Variants in CELF4 observed in about 807,000 individuals in gnomAD.
CELF4 encodes CUGBP Elav-like family member 4.
A neutral mutation model predicts 59.9 loss-of-function variants in CELF4; 18 were observed. The observed-to-expected ratio is 0.30, with a 90% CI of 0.21 to 0.45. CELF4 has a LOEUF of 0.45. Ranked by LOEUF, CELF4 falls within the 20% of genes least tolerant of loss-of-function variation. The pLI is 1.00. For missense variants in CELF4, 456 were observed against 689.0 expected (o/e 0.66, Z 3.79); for synonymous variants, 261 against 267.1 (o/e 0.98, Z 0.22).
Position 37,259,278 on chromosome 18 carries a change from AGGGGGT to A in CELF4, c.1250-20_1250-15del. ...AGCCCTCGGGCCCTGCGGTGAGGGG[AGGGGGT>A]GGGCGGGGGAGGAGGGATGGCAGGG... On this transcript the variant is annotated splice_polypyrimidine_tract_variant and intron_variant, in intron 10 of 12. Transcript: ENST00000420428. The A allele has an allele frequency of 1.3e-5, 2 of 151,028 alleles. No individual in the cohort carries two copies. The highest frequency in any genetic ancestry group is 1.7e-4 in the African/African-American group (1 of 6,034). The allele number at this position is 151,028 out of a possible 1,614,324, so 9.4% of individuals were successfully genotyped here.
At chr18:37,459,399 C>T (rs2099787546) in intron 2 of CELF4, among the ~76,000 whole-genome samples, 1 of 152,288 alleles carries the variant, frequency 6.6e-6, no homozygotes, top group South Asian at 2.1e-4. Context: ...AGCTCTTGAA[C>T]TTCCAGTCAG....
intron 2 of CELF4, among the ~76,000 whole-genome samples, chr18:37,462,340 C>T (rs1356593068): frequency 6.6e-6 from 1 of 152,250 alleles, no homozygotes; most frequent in African/African-American, 2.4e-5. Context: ...GCAAGCTGGG[C>T]TTCCCATTGG....
intron 1 of CELF4, among the ~76,000 whole-genome samples, chr18:37,503,308 G>A (rs2099933911): frequency 6.6e-6 from 1 of 152,252 alleles, no homozygotes; most frequent in Non-Finnish European, 1.5e-5. Flanking sequence ...GAGAATAGGA[G>A]AATATATTTT....
chr18:37,456,502 A>C (rs2099778800), intron 2 of CELF4, among the ~76,000 whole-genome samples: 1 of 152,086 alleles, frequency 6.6e-6, no homozygotes, highest in Admixed American at 6.5e-5. Context: ...GTAGTCCCAA[A>C]GGGGACTCTG....
chr18:37,418,234 G>A (rs2099545231), intron 2 of CELF4, among the ~76,000 whole-genome samples: 1 of 152,210 alleles, frequency 6.6e-6, no homozygotes, highest in Non-Finnish European at 1.5e-5. Context: ...ACAAACCAGA[G>A]GTGGGCAGTG....
At chr18:37,529,397 C>T (rs141648259) in intron 1 of CELF4, among the ~76,000 whole-genome samples, 51 of 152,318 alleles carry the variant, frequency 3.3e-4, no homozygotes, top group Non-Finnish European at 5.0e-4. Context: ...GACACTGTCT[C>T]TGACCTCAAG....
chr18:37,509,404 C>G (rs193273672), intron 1 of CELF4, among the ~76,000 whole-genome samples: 1 of 152,246 alleles, frequency 6.6e-6, no homozygotes, highest in East Asian at 1.9e-4. Context: ...ATCTGAGTTT[C>G]TGGCATCTTT....
chr18:37,409,847 T>C (rs981012456), intron 2 of CELF4, among the ~76,000 whole-genome samples: 1 of 152,202 alleles, frequency 6.6e-6, no homozygotes, highest in Non-Finnish European at 1.5e-5. Context: ...CCCAACCACC[T>C]GCCATTCTGC....
At chr18:37,292,808 C>T (rs1022993916) in intron 3 of CELF4, among the ~76,000 whole-genome samples, 5 of 152,194 alleles carry the variant, frequency 3.3e-5, no homozygotes, top group African/African-American at 9.7e-5. Flanking sequence ...TTTCTGGACA[C>T]TTTTATAAAT....
At chr18:37,265,951 G>A (rs573846956) in intron 9 of CELF4, among the ~76,000 whole-genome samples, 8 of 152,262 alleles carry the variant, frequency 5.3e-5, no homozygotes, top group African/African-American at 9.6e-5. Context: ...CTGACAGCTC[G>A]GCTTAGGCTC....
intron 2 of CELF4, among the ~76,000 whole-genome samples, chr18:37,415,307 G>A (rs539962980): frequency 3.9e-5 from 6 of 152,228 alleles, no homozygotes; most frequent in Non-Finnish European, 7.3e-5. Flanking sequence ...GGGTGTGATA[G>A]TGGAGAAAAT....
intron 2 of CELF4, among the ~76,000 whole-genome samples, chr18:37,438,541 A>C (rs1041180222): frequency 2.0e-5 from 3 of 152,110 alleles, no homozygotes; most frequent in African/African-American, 7.2e-5. Flanking sequence ...CCATGTTTGA[A>C]GCTTCCCTGG....
intron 2 of CELF4, among the ~76,000 whole-genome samples, chr18:37,466,766 G>C (rs1165642310): frequency 6.6e-6 from 1 of 152,146 alleles, no homozygotes; most frequent in Non-Finnish European, 1.5e-5. Context: ...GAAATTCTAG[G>C]CATGCAGGAG....
intron 2 of CELF4, among the ~76,000 whole-genome samples, chr18:37,484,543 G>T (rs1569569613): frequency 6.6e-6 from 1 of 152,210 alleles, no homozygotes; most frequent in African/African-American, 2.4e-5. Flanking sequence ...TGTCTTAATG[G>T]AAGGAAGGCC....
chr18:37,445,648 G>A (rs2099746104), intron 2 of CELF4, among the ~76,000 whole-genome samples: 1 of 152,110 alleles, frequency 6.6e-6, no homozygotes, highest in Non-Finnish European at 1.5e-5. Context: ...GATGCAGGGA[G>A]GCAGAGGCCC....
intron 1 of CELF4, among the ~76,000 whole-genome samples, chr18:37,502,629 G>A (rs1232193941): frequency 6.6e-6 from 1 of 152,112 alleles, no homozygotes; most frequent in Non-Finnish European, 1.5e-5. Context: ...GCACCATTGG[G>A]GAGCAAAGGC....
At chr18:37,382,602 T>C (rs966606155) in intron 2 of CELF4, among the ~76,000 whole-genome samples, 3 of 152,222 alleles carry the variant, frequency 2.0e-5, no homozygotes, top group Admixed American at 6.5e-5. Flanking sequence ...TGTACACACA[T>C]GCCTGAGTCA....
At chr18:37,559,926 G>A (rs1364436423) in intron 1 of CELF4, among the ~76,000 whole-genome samples, 1 of 152,180 alleles carries the variant, frequency 6.6e-6, no homozygotes, top group Non-Finnish European at 1.5e-5. Context: ...GAGTGTGTAG[G>A]GGGCATAGTG....
At chr18:37,437,205 A>G (rs4799922) in intron 2 of CELF4, among the ~76,000 whole-genome samples, 55,069 of 151,990 alleles carry the variant, frequency 0.36, 10,583 homozygotes, top group East Asian at 0.62. Flanking sequence ...GCCCCACCCC[A>G]TGCCCAAGAA....
Sources: gnomAD v4.1 joint callset for allele counts (sites outside exome capture counted in the v4.1 genomes callset) on GRCh38, gnomAD v4.1.1 for gene constraint, MANE v1.5 for transcripts, NCBI Gene and HGNC (gene_info 2026-07-23, HGNC 2026-07-21) for gene names.